Variants in KCNK13 observed in about 807,000 individuals in gnomAD.
KCNK13 encodes the protein potassium two pore domain channel subfamily K member 13.
A neutral mutation model predicts 23.4 loss-of-function variants in KCNK13; 12 were observed. The ratio of observed to expected loss-of-function variants is 0.51; its 90% CI spans 0.33 to 0.83. The LOEUF is 0.83. Among genes scored for constraint, KCNK13 ranks in the 40% least tolerant of loss-of-function variants. The pLI is 0.02. For missense variants in KCNK13, 463 were observed against 556.3 expected (o/e 0.83, Z 1.69); for synonymous variants, 231 against 229.5 (o/e 1.01, Z -0.06).
chr14:90,165,381 G>T (rs1890291843), intron 1 of KCNK13, among the ~76,000 whole-genome samples: 1 of 152,202 alleles, frequency 6.6e-6, no homozygotes, highest in Admixed American at 6.5e-5. Flanking sequence ...CCTCTCCAGA[G>T]GGGCCTTGTG....
intron 1 of KCNK13, among the ~76,000 whole-genome samples, 181 bp from the exon 2 acceptor site, chr14:90,183,930 T>C (rs1158274864): frequency 1.3e-5 from 2 of 152,204 alleles, no homozygotes; most frequent in Non-Finnish European, 2.9e-5. Flanking sequence ...AGCCTAGCTC[T>C]GAACAACACT....
intron 1 of KCNK13, among the ~76,000 whole-genome samples, chr14:90,101,382 C>T (rs1221801232): frequency 1.3e-5 from 2 of 152,100 alleles, no homozygotes; most frequent in Non-Finnish European, 2.9e-5. Flanking sequence ...AAAACCAATA[C>T]TTAGACGAGG....
chr14:90,177,920 A>C (rs1239951079), intron 1 of KCNK13, among the ~76,000 whole-genome samples: 1 of 152,228 alleles, frequency 6.6e-6, no homozygotes, highest in African/African-American at 2.4e-5. Context: ...AGCTACATAA[A>C]TATATTTTAC....
chr14:90,172,316 C>CAAAA (rs5810487), intron 1 of KCNK13, among the ~76,000 whole-genome samples: 3 of 138,942 alleles, frequency 2.2e-5, no homozygotes, highest in African/African-American at 2.6e-5. Flanking sequence ...GAGTCTATAT[C>CAAAA]AAAAAAAAAA....
At chr14:90,170,184 C>CAAA (rs199897479) in intron 1 of KCNK13, among the ~76,000 whole-genome samples, 3 of 145,868 alleles carry the variant, frequency 2.1e-5, no homozygotes, top group African/African-American at 7.5e-5. Flanking sequence ...GATTGTCAAT[C>CAAA]AAAAAAAAAA....
chr14:90,066,541 A>G (rs1889011845), intron 1 of KCNK13, among the ~76,000 whole-genome samples: 2 of 152,202 alleles, frequency 1.3e-5, no homozygotes, highest in Non-Finnish European at 2.9e-5. Context: ...TGCTGAGATT[A>G]CAGGTGTGAG....
chr14:90,077,507 A>G (rs1889154424), intron 1 of KCNK13, among the ~76,000 whole-genome samples: 1 of 152,158 alleles, frequency 6.6e-6, no homozygotes, highest in Non-Finnish European at 1.5e-5. Context: ...ATTATTCTCA[A>G]GTTGGGTATT....
intron 1 of KCNK13, among the ~76,000 whole-genome samples, chr14:90,091,046 T>C (rs527672026): frequency 6.6e-6 from 1 of 152,372 alleles, no homozygotes; most frequent in East Asian, 1.9e-4. Context: ...CATTCATCTC[T>C]ATGTTTGACC....
intron 1 of KCNK13, among the ~76,000 whole-genome samples, chr14:90,153,860 C>T (rs570402701): frequency 5.9e-5 from 9 of 152,298 alleles, no homozygotes; most frequent in African/African-American, 1.2e-4. Context: ...CTCCCAAGAG[C>T]GGTGACACCT....
intron 1 of KCNK13, among the ~76,000 whole-genome samples, chr14:90,141,869 G>A (rs371761590): frequency 1.3e-4 from 20 of 149,738 alleles, no homozygotes; most frequent in East Asian, 6.1e-4. Flanking sequence ...TGCAAGCTCC[G>A]CCTCCTGGGT....
chr14:90,076,407 T>C (rs1251640280), intron 1 of KCNK13, among the ~76,000 whole-genome samples: 1 of 152,190 alleles, frequency 6.6e-6, no homozygotes, highest in African/African-American at 2.4e-5. Flanking sequence ...TTGTAAGCAC[T>C]ATCAAGACAG....
chr14:90,094,645 C>CTTTTTTTTTTTTT (rs778654067), intron 1 of KCNK13, among the ~76,000 whole-genome samples: 8 of 111,644 alleles, frequency 7.2e-5, no homozygotes, highest in Non-Finnish European at 1.3e-4. Context: ...TCTTTTTTTT[C>CTTTTTTTTTTTTT]TTTTTTTTTT....
intron 1 of KCNK13, among the ~76,000 whole-genome samples, chr14:90,068,800 G>T (rs956969163): frequency 6.6e-6 from 1 of 152,044 alleles, no homozygotes; most frequent in African/African-American, 2.4e-5. Flanking sequence ...TAGACAAACT[G>T]GTGGCCAGGC....
chr14:90,102,328 C>T (rs1301817037), intron 1 of KCNK13, among the ~76,000 whole-genome samples: 2 of 152,232 alleles, frequency 1.3e-5, no homozygotes, highest in African/African-American at 2.4e-5. Context: ...AGAAAGCTCA[C>T]TGGCTGCAGA....
At chr14:90,138,518 G>A (rs17799166) in intron 1 of KCNK13, among the ~76,000 whole-genome samples, 24,660 of 152,230 alleles carry the variant, frequency 0.16, 2,283 homozygotes, top group South Asian at 0.29. Context: ...ATTTATTCAA[G>A]GGAGATTTGG....
chr14:90,132,886 A>T lies in KCNK13; in HGVS notation c.335-51225A>T, dbSNP rs115778675. Among the ~76,000 whole-genome samples, 241 of 152,304 alleles carry T rather than the reference A, an allele frequency of 1.6e-3. 1 individual carries two copies. Among genetic ancestry groups the T allele is most frequent in the African/African-American group, 5.5e-3 (227 of 41,558 alleles). On this transcript the variant is annotated intron_variant, in intron 1 of 1. Coordinates refer to ENST00000282146, the MANE Select transcript of KCNK13 (RefSeq NM_022054.4). ...CACCCTGAGAGACACTATTTCCATGATCCTCATTTCCTGCCACTTCACCTT... is the reference window on the plus strand; with the variant it reads ...CACCCTGAGAGACACTATTTCCATGTTCCTCATTTCCTGCCACTTCACCTT...
chr14:90,124,666 G>C (rs954299836), intron 1 of KCNK13, among the ~76,000 whole-genome samples: 2 of 152,194 alleles, frequency 1.3e-5, no homozygotes, highest in Non-Finnish European at 2.9e-5. Flanking sequence ...AGTTATTCTC[G>C]CCTAAGATCT....
At chr14:90,089,612 A>G (rs775571088) in intron 1 of KCNK13, among the ~76,000 whole-genome samples, 14 of 152,240 alleles carry the variant, frequency 9.2e-5, no homozygotes, top group Non-Finnish European at 1.9e-4. Flanking sequence ...GAGGAGCCAA[A>G]TGTTAATCCC....
Position 90,069,670 on chromosome 14 carries a change from CAGAA to C in KCNK13, c.334+7136_334+7139del, listed in dbSNP as rs1889051160. Among the ~76,000 whole-genome samples, 2 of 140,650 alleles carry C rather than the reference CAGAA, an allele frequency of 1.4e-5. 1 individual carries two copies. The highest frequency in any genetic ancestry group is 4.4e-4 in the South Asian group (2 of 4,532). 92.3% of individuals were successfully genotyped at this position (140,650 alleles called of 152,430 possible). On this transcript the variant is annotated intron_variant, in intron 1 of 1. Coordinates refer to ENST00000282146, the MANE Select transcript of KCNK13 (RefSeq NM_022054.4). ...CTGACATCAAAGAAGATGAGGCATT[CAGAA>C]AGAATAAAAATATCCCACGAATGCA...
Sources: allele counts gnomAD v4.1 joint callset (sites outside exome capture counted in the v4.1 genomes callset), GRCh38; gene constraint gnomAD v4.1.1; transcripts MANE v1.5; gene names NCBI Gene and HGNC (gene_info 2026-07-23, HGNC 2026-07-21).